The following TRIM69 variants were observed in gnomAD, a reference collection of about 807,000 sequenced individuals.
The protein encoded by TRIM69 is tripartite motif containing 69, also known as E3 ubiquitin-protein ligase TRIM69.
In TRIM69, 29 loss-of-function variants were observed where a neutral mutation model predicts 37.7. The observed-to-expected ratio is 0.77, with a 90% CI of 0.57 to 1.05. TRIM69 has a LOEUF of 1.05. Among genes scored for constraint, TRIM69 ranks in the 50% least tolerant of loss-of-function variants. The probability of loss-of-function intolerance (pLI) is 0.00; values close to 1 mark genes in which losing one functional copy is unlikely to be tolerated. For missense variants in TRIM69, 596 were observed against 579.9 expected, an observed-to-expected ratio of 1.03 and a Z score of -0.28; for synonymous variants, 209 against 212.4, an observed-to-expected ratio of 0.98 and a Z score of 0.14.
intron 1 of TRIM69, among the ~76,000 whole-genome samples, chr15:44,741,564 T>C (rs1596014413): frequency 1.3e-5 from 2 of 152,130 alleles, no homozygotes; most frequent in Admixed American, 6.5e-5. Context: ...ATTGATAGAC[T>C]GCTAGCAAGA....
Position 44,759,773 on chromosome 15 carries a change from G to A in TRIM69, c.862G>A (p.Ala288Thr). The part of the protein sequence containing the change: ...HSLEQGMKVL[A>T]TRELISRKLN... ...CTTGGAGCAAGGAATGAAGGTGCTG[G>A]CAACCAGAGAGCTTATTTCCAGAAA... Residue 288 changes from alanine (A) to threonine (T), a missense_variant, in exon 6 of 7, where the codon GCA becomes ACA. Ala to Thr is a moderately conservative substitution (Grantham distance 58). Coordinates refer to ENST00000329464, the MANE Select transcript of TRIM69 (RefSeq NM_182985.5). 1 of 1,614,148 alleles carries A rather than the reference G, an allele frequency of 6.2e-7. No individual in the cohort carries two copies. The highest frequency in any genetic ancestry group is 1.6e-4 in the Middle Eastern group (1 of 6,062).
chr15:44,759,443 T>C (rs1861210255), intron 4 of TRIM69, among the ~76,000 whole-genome samples, 197 bp from the exon 5 acceptor site: 1 of 152,166 alleles, frequency 6.6e-6, no homozygotes, highest in African/African-American at 2.4e-5. Flanking sequence ...AAGAGAACTC[T>C]AGAAAGAGCA....
chr15:44,745,237 T>C (rs1000674072), intron 1 of TRIM69, among the ~76,000 whole-genome samples: 2 of 152,198 alleles, frequency 1.3e-5, no homozygotes, highest in African/African-American at 2.4e-5. Flanking sequence ...TTTGTTGTTG[T>C]TGTTGTTTGA....
intron 1 of TRIM69, among the ~76,000 whole-genome samples, chr15:44,738,160 G>A (rs1420193379): frequency 4.0e-5 from 6 of 150,054 alleles, no homozygotes; most frequent in Non-Finnish European, 8.8e-5. Flanking sequence ...CAGGGTTCAA[G>A]TGATTCTCAT....
chr15:44,748,282 T>C (rs1279809024), intron 1 of TRIM69, among the ~76,000 whole-genome samples: 3 of 152,166 alleles, frequency 2.0e-5, no homozygotes, highest in African/African-American at 7.2e-5. Context: ...GTCCCATAAA[T>C]GTAGTGGAGG....
chr15:44,751,459 C>T (rs1214606777), intron 1 of TRIM69, among the ~76,000 whole-genome samples: 8 of 151,942 alleles, frequency 5.3e-5, no homozygotes, highest in African/African-American at 1.9e-4. Context: ...GAGATGACAT[C>T]TTACTGTGTT....
rs772815344 is a variant in TRIM69, at chr15:44,759,774, C to A, written c.863C>A (p.Ala288Glu). 6.8e-6 allele frequency: 11 copies of A among 1,614,148 alleles called. 1 individual carries two copies. Among genetic ancestry groups the A allele is most frequent in the African/African-American group, 6.7e-5 (5 of 75,010 alleles). The change falls in exon 6 of 7, where the codon GCA (alanine) becomes GAA (glutamate). Residue 288 changes from alanine (A) to glutamate (E), a missense_variant. Ala to Glu is a moderately radical substitution (Grantham distance 107). Coordinates refer to ENST00000329464, the MANE Select transcript of TRIM69 (RefSeq NM_182985.5). ...TTGGAGCAAGGAATGAAGGTGCTGG[C>A]AACCAGAGAGCTTATTTCCAGAAAG... ...HSLEQGMKVL[A>E]TRELISRKLN...
rs58628327 is a variant in TRIM69 at position 44,758,949 on chromosome 15, G to GAAAAC, written c.813+116_813+120dup. The stretch of plus-strand genomic sequence containing the variant: ...GCGGAAGTGGCTTTTCACATCCAGG[G>GAAAAC]AAAACAAAACAAAACAAAACAAAAC... On this transcript the variant is annotated intron_variant, in intron 4 of 6. Coordinates refer to ENST00000329464, the MANE Select transcript of TRIM69 (RefSeq NM_182985.5). 5.8e-3 allele frequency: 8,326 copies of GAAAAC among 1,435,784 alleles called. 240 individuals are homozygous for GAAAAC. In the African/African-American group the frequency reaches 0.077, roughly 13 times the overall value. 88.9% of individuals were successfully genotyped at this position (1,435,784 alleles called of 1,614,324 possible). A position where few individuals can be genotyped will look rare whatever the true frequency, so the allele number is the denominator to read the frequency against.
intron 1 of TRIM69, among the ~76,000 whole-genome samples, chr15:44,745,747 C>T (rs1255939995): frequency 6.6e-6 from 1 of 151,886 alleles, no homozygotes; most frequent in Admixed American, 6.6e-5. Flanking sequence ...TGTTGAAAAG[C>T]ATAATAACTG....
chr15:44,761,983 T>A (rs988539212), intron 6 of TRIM69, among the ~76,000 whole-genome samples: 4 of 152,186 alleles, frequency 2.6e-5, no homozygotes, highest in African/African-American at 9.7e-5. Flanking sequence ...TTATTTATTT[T>A]TTTGAGATGG....
intron 1 of TRIM69, chr15:44,752,906 T>A (rs1566894444): frequency 6.6e-6 from 1 of 152,198 alleles, no homozygotes; most frequent in Non-Finnish European, 1.5e-5. Context: ...AAAACTCTGC[T>A]CCTTTTCAGC....
At chr15:44,765,660 AGG>A (rs2087869424) in intron 6 of TRIM69, among the ~76,000 whole-genome samples, 1 of 976 alleles carries the variant, frequency 1.0e-3, no homozygotes, top group African/African-American at 4.0e-3. Flanking sequence ...AGGCTGAAGC[AGG>A]AGAATTGCTT....
rs1284172983 is a variant in TRIM69, at chr15:44,767,028, C to T, written c.962-203C>T. On this transcript the variant is annotated intron_variant, in intron 6 of 6. Transcript: ENST00000329464. ...GAGCCGAGATCGCACCACTGCACTC[C>T]AGCCCTGGGCAACCTTGTCTGCCTC... Among the ~76,000 whole-genome samples, 11 of 112,796 alleles carry T rather than the reference C, an allele frequency of 9.8e-5. No homozygotes were observed. In the Admixed American group the frequency reaches 1.4e-3, roughly 14 times the overall value. The allele number at this position is 112,796 out of a possible 152,430, so 74.0% of individuals were successfully genotyped here. A position where few individuals can be genotyped will look rare whatever the true frequency, so the allele number is the denominator to read the frequency against.
intron 4 of TRIM69, 93 bp from the exon 5 acceptor site, chr15:44,759,547 T>G: frequency 7.6e-7 from 1 of 1,323,986 alleles, no homozygotes; most frequent in East Asian, 2.3e-5. Flanking sequence ...TTCGGGACCA[T>G]CTGCACAAAT....
At position 44,755,166 on chromosome 15, in the gene TRIM69, A is replaced by G. The variant is rs765993299; in HGVS notation, c.273A>G (p.Thr91=). The part of the protein sequence containing the change: ...CKMLCQYNNC[T]FNPVLDKLVE... The stretch of plus-strand genomic sequence containing the variant: ...TGCTATGTCAGTATAACAACTGTAC[A>G]TTCAACCCTGTACTGGACAAGTTGG... Residue 91 remains threonine (T), a synonymous_variant, in exon 2 of 7, where the codon ACA becomes ACG. Coordinates refer to ENST00000329464, the MANE Select transcript of TRIM69 (RefSeq NM_182985.5). The G allele has an allele frequency of 1.2e-5, 19 of 1,614,230 alleles. No homozygotes were observed. In the South Asian group the frequency reaches 1.6e-4, roughly 14 times the overall value.
chr15:44,753,576 G>T (rs961913188), intron 1 of TRIM69: 2 of 152,176 alleles, frequency 1.3e-5, no homozygotes, highest in African/African-American at 4.8e-5. Flanking sequence ...CTGCTTTCAA[G>T]ATTCCTTCCT....
intron 6 of TRIM69, among the ~76,000 whole-genome samples, chr15:44,761,795 G>T (rs572863933): frequency 6.6e-6 from 1 of 152,160 alleles, no homozygotes; most frequent in Admixed American, 6.5e-5. Context: ...CCTGTTGAGC[G>T]TCCTTTCAGG....
intron 6 of TRIM69, among the ~76,000 whole-genome samples, chr15:44,764,367 A>G (rs2087844000): frequency 6.6e-6 from 1 of 152,192 alleles, no homozygotes; most frequent in Non-Finnish European, 1.5e-5. Context: ...TTGTTTTTCT[A>G]TGGTAACTGT....
At chr15:44,765,942 A>T (rs893524983) in intron 6 of TRIM69, among the ~76,000 whole-genome samples, 1 of 152,186 alleles carries the variant, frequency 6.6e-6, no homozygotes, top group Non-Finnish European at 1.5e-5. Context: ...AGGTCCAATG[A>T]TCTCACATCT....
Sources: gnomAD v4.1 joint callset for allele counts (sites outside exome capture counted in the v4.1 genomes callset) on GRCh38, gnomAD v4.1.1 for gene constraint, MANE v1.5 for transcripts, NCBI Gene and HGNC (gene_info 2026-07-23, HGNC 2026-07-21) for gene names.